KCNH1: variants seen among roughly 807,000 people sequenced by gnomAD.
KCNH1 encodes the protein potassium voltage-gated channel subfamily H member 1.
In KCNH1, 27 loss-of-function variants were observed where a neutral mutation model predicts 69.2. The observed-to-expected ratio is 0.39, with a 90% CI of 0.29 to 0.54. The LOEUF is 0.54. Among genes scored for constraint, KCNH1 ranks in the 20% least tolerant of loss-of-function variants. The probability of loss-of-function intolerance (pLI) is 0.68; values close to 1 mark genes in which losing one functional copy is unlikely to be tolerated. For missense variants in KCNH1, 798 were observed against 1,261.6 expected, an observed-to-expected ratio of 0.63 and a Z score of 5.57; for synonymous variants, 456 against 487.7, an observed-to-expected ratio of 0.93 and a Z score of 0.86.
intron 6 of KCNH1, among the ~76,000 whole-genome samples, chr1:211,003,338 C>CA (rs1689223826): frequency 6.6e-6 from 1 of 152,188 alleles, no homozygotes; most frequent in East Asian, 1.9e-4. Context: ...GTGCCTCCAA[C>CA]AAGTCACCAT....
At position 210,861,925 on chromosome 1, in the gene KCNH1, T is replaced by C. The variant is rs536857698; in HGVS notation, c.1462+57715A>G. 7.4e-4 allele frequency: 569 copies of C among 768,820 alleles called. 6 individuals carry two copies. The South Asian group carries it at 7.7e-3, about 10-fold the overall frequency. 47.6% of individuals were successfully genotyped at this position (768,820 alleles called of 1,614,324 possible). A position where few individuals can be genotyped will look rare whatever the true frequency, so the allele number is the denominator to read the frequency against. Reference sequence around the variant, plus strand: ...AATGGCAGTCCAGCAGCTTGGATAATCACGTTTGGTGATGTGATGAATGCA... The same window carrying C: ...AATGGCAGTCCAGCAGCTTGGATAACCACGTTTGGTGATGTGATGAATGCA... On this transcript the variant is annotated intron_variant, in intron 7 of 10. Coordinates refer to ENST00000271751, the MANE Select transcript of KCNH1 (RefSeq NM_172362.3).
intron 5 of KCNH1, among the ~76,000 whole-genome samples, chr1:211,037,511 T>TTTTTA: frequency 6.6e-6 from 1 of 151,014 alleles, no homozygotes. Flanking sequence ...TTTTTTTTTT[T>TTTTTA]TTTACTGTAC....
At chr1:211,012,677 T>C (rs1269853819) in intron 6 of KCNH1, among the ~76,000 whole-genome samples, 1 of 152,194 alleles carries the variant, frequency 6.6e-6, no homozygotes, top group African/African-American at 2.4e-5. Flanking sequence ...AACTTCTCTA[T>C]ATGATACTGT....
In KCNH1 at chr1:210,683,250, C is replaced by T; in HGVS notation, c.*31G>A. The T allele has an allele frequency of 6.3e-7, 1 of 1,596,966 alleles. No individual in the cohort carries two copies. The highest frequency in any genetic ancestry group is 2.2e-5 in the East Asian group (1 of 44,706). On this transcript the variant is annotated 3_prime_UTR_variant, in exon 11 of 11. Coordinates refer to ENST00000271751, the MANE Select transcript of KCNH1 (RefSeq NM_172362.3). This position sits in a 1 kb window ranked among gnomAD's most constrained non-coding sequence, Gnocchi z 5.7. ...GTGGTGACGGCAGGGTTGGAGGTAT[C>T]TGTCTCTGACTTTTTTTTTAAATAG...
At chr1:210,834,932 C>G (rs1685249618) in intron 7 of KCNH1, among the ~76,000 whole-genome samples, 1 of 152,078 alleles carries the variant, frequency 6.6e-6, no homozygotes, top group Non-Finnish European at 1.5e-5. Flanking sequence ...CTATTGTTTG[C>G]TATAGTAAAC....
At chr1:210,758,795 C>T (rs778856076) in intron 10 of KCNH1, among the ~76,000 whole-genome samples, 33 of 152,204 alleles carry the variant, frequency 2.2e-4, no homozygotes, top group Non-Finnish European at 3.5e-4. Flanking sequence ...AACCACTTCT[C>T]AGACTTCTCC....
chr1:210,998,808 C>T (rs866141023), intron 6 of KCNH1, among the ~76,000 whole-genome samples: 1 of 152,218 alleles, frequency 6.6e-6, no homozygotes, highest in South Asian at 2.1e-4. Flanking sequence ...TCACAACAAA[C>T]TGTCTCTCAC....
chr1:211,095,620 A>G (rs1691134045), intron 3 of KCNH1, among the ~76,000 whole-genome samples: 1 of 152,084 alleles, frequency 6.6e-6, no homozygotes, highest in Non-Finnish European at 1.5e-5. Flanking sequence ...CCTCCCAAGT[A>G]CTCTCTGTAA....
At chr1:210,860,177 C>T in intron 7 of KCNH1, 2 of 1,200,354 alleles carry the variant, frequency 1.7e-6, no homozygotes, top group South Asian at 1.2e-5. Context: ...TTGGTATCAA[C>T]TGTTACATAA....
intron 6 of KCNH1, among the ~76,000 whole-genome samples, chr1:210,985,197 T>C (rs1035489266): frequency 3.0e-4 from 45 of 152,122 alleles, no homozygotes; most frequent in African/African-American, 1.0e-3. Context: ...GTCTTGCTAG[T>C]AGTCTATCAA....
intron 7 of KCNH1, among the ~76,000 whole-genome samples, chr1:210,816,563 G>C (rs1205327230): frequency 1.3e-5 from 2 of 152,196 alleles, no homozygotes; most frequent in African/African-American, 4.8e-5. Flanking sequence ...CTGAGTTCTT[G>C]ATTGCAAAGA....
chr1:210,832,480 C>T (rs1685182800), intron 7 of KCNH1, among the ~76,000 whole-genome samples: 1 of 152,076 alleles, frequency 6.6e-6, no homozygotes, highest in Non-Finnish European at 1.5e-5. Flanking sequence ...AGGATTTATG[C>T]CTCTCCAGAA....
intron 10 of KCNH1, among the ~76,000 whole-genome samples, chr1:210,718,258 TATTATAAATATATGTGCATATAAAA>T (rs1309790353): frequency 5.0e-5 from 2 of 40,346 alleles, no homozygotes; most frequent in Non-Finnish European, 4.7e-5. Flanking sequence ...CTTCTATAAA[TATTATAAATATATGTGCATATAAAA>T]ATATGTGTAT....
chr1:210,880,698 A>T (rs1348630739), intron 7 of KCNH1, among the ~76,000 whole-genome samples: 2 of 152,166 alleles, frequency 1.3e-5, no homozygotes, highest in Non-Finnish European at 2.9e-5. Flanking sequence ...TGCCGCACCA[A>T]AGGCACAAGA....
At chr1:210,984,456 CTAAT>C (rs943527311) in intron 6 of KCNH1, among the ~76,000 whole-genome samples, 4 of 152,102 alleles carry the variant, frequency 2.6e-5, no homozygotes, top group Admixed American at 1.3e-4. Context: ...CCATCAATAC[CTAAT>C]TTATTGAGAG....
chr1:210,709,752 G>A (rs560179674), intron 10 of KCNH1, among the ~76,000 whole-genome samples: 1 of 151,356 alleles, frequency 6.6e-6, no homozygotes, highest in African/African-American at 2.5e-5. Flanking sequence ...AAGAGAGAGA[G>A]AGAGAGAGAG....
intron 10 of KCNH1, among the ~76,000 whole-genome samples, chr1:210,754,847 CA>C (rs1162376959): frequency 3.1e-5 from 1 of 32,318 alleles, no homozygotes; most frequent in East Asian, 3.4e-3. Context: ...CACACGGGCA[CA>C]CACACACACA....
chr1:210,891,754 C>G (rs973248234), intron 7 of KCNH1, among the ~76,000 whole-genome samples: 10 of 152,252 alleles, frequency 6.6e-5, no homozygotes, highest in African/African-American at 2.2e-4. Flanking sequence ...ACTATAAAGA[C>G]TCATGCACAT....
At chr1:210,718,877 A>G (rs1354057908) in intron 10 of KCNH1, among the ~76,000 whole-genome samples, 2 of 151,974 alleles carry the variant, frequency 1.3e-5, no homozygotes, top group African/African-American at 4.8e-5. Context: ...CCACCCCTCA[A>G]GAGCCATGGG....
Sources: gnomAD v4.1 joint callset for allele counts (sites outside exome capture counted in the v4.1 genomes callset) on GRCh38, gnomAD v4.1.1 for gene constraint, Gnocchi (gnomAD v3.1) non-coding constraint, MANE v1.5 for transcripts, NCBI Gene and HGNC (gene_info 2026-07-23, HGNC 2026-07-21) for gene names.